Variants in ANKAR observed in about 807,000 individuals in gnomAD.
ANKAR encodes the protein ankyrin and armadillo repeat containing, also known as ankyrin and armadillo repeat-containing protein.
In ANKAR, 136 loss-of-function variants were observed where a neutral mutation model predicts 146.2. That is an observed-to-expected ratio of 0.93 (90% CI 0.81 to 1.07). The LOEUF (loss-of-function observed/expected upper bound fraction) is 1.07, where lower values mean the gene tolerates loss of function less well. Ranked by LOEUF, ANKAR falls within the 50% of genes least tolerant of loss-of-function variation. The pLI is 0.00. For missense variants in ANKAR, 1,567 were observed against 1,679.9 expected (o/e 0.93, Z 1.18); for synonymous variants, 500 against 575.8 (o/e 0.87, Z 1.88).
At chr2:189,761,443 A>T (rs775469606), downstream of ANKAR, 16 of 1,605,666 alleles carry the variant, frequency 1.0e-5, no homozygotes, top group Non-Finnish European at 1.2e-5. Context: ...CAGTTTGGGA[A>T]TGTATTGCTT....
intron 10 of ANKAR, among the ~76,000 whole-genome samples, chr2:189,715,400 A>G (rs953159427): frequency 6.6e-6 from 1 of 152,240 alleles, no homozygotes; most frequent in Non-Finnish European, 1.5e-5. Flanking sequence ...AAAAAGTTGA[A>G]TCTCTGAATA....
intron 12 of ANKAR, 93 bp from the exon 13 acceptor site, chr2:189,727,763 G>T: frequency 3.6e-6 from 5 of 1,399,140 alleles, no homozygotes; most frequent in East Asian, 2.5e-5. Flanking sequence ...TTATAAATTT[G>T]ATTTTATAAT....
At chr2:189,717,956 A>C (rs1477133462) in intron 10 of ANKAR, among the ~76,000 whole-genome samples, 1 of 152,052 alleles carries the variant, frequency 6.6e-6, no homozygotes, top group Non-Finnish European at 1.5e-5. Flanking sequence ...AGGCAGGGGG[A>C]GGGACAGCAT....
At chr2:189,700,545 T>C (rs2037912758) in intron 7 of ANKAR, among the ~76,000 whole-genome samples, 1 of 152,244 alleles carries the variant, frequency 6.6e-6, no homozygotes, top group African/African-American at 2.4e-5. Flanking sequence ...GTGTTACATA[T>C]AATCCAGTTA....
intron 7 of ANKAR, among the ~76,000 whole-genome samples, chr2:189,703,314 G>T (rs545884800): frequency 3.1e-4 from 47 of 152,298 alleles, no homozygotes; most frequent in African/African-American, 1.1e-3. Flanking sequence ...TTATGGCTTG[G>T]ATTAGGATGG....
intron 17 of ANKAR, among the ~76,000 whole-genome samples, chr2:189,737,353 A>G (rs1202235087): frequency 1.3e-5 from 2 of 152,024 alleles, no homozygotes; most frequent in Non-Finnish European, 2.9e-5. Flanking sequence ...TCTTCAGAAT[A>G]CATTATTTTT....
intron 2 of ANKAR, among the ~76,000 whole-genome samples, chr2:189,681,336 G>A (rs570302188): frequency 1.3e-5 from 2 of 152,312 alleles, no homozygotes; most frequent in South Asian, 2.1e-4. Flanking sequence ...GTAACTAAGG[G>A]AAGAGGGCTC....
chr2:189,736,681 A>T (rs879527921), intron 17 of ANKAR, among the ~76,000 whole-genome samples: 1 of 151,874 alleles, frequency 6.6e-6, no homozygotes, highest in African/African-American at 2.4e-5. Context: ...ATTTCTACTA[A>T]ATTATTTTTG....
At chr2:189,688,371 A>G (rs966654658) in intron 2 of ANKAR, among the ~76,000 whole-genome samples, 5 of 152,174 alleles carry the variant, frequency 3.3e-5, no homozygotes, top group African/African-American at 1.2e-4. Flanking sequence ...ACTCTGCAAT[A>G]TACTTTGAAG....
chr2:189,695,833 T>C (rs907259608), intron 6 of ANKAR, among the ~76,000 whole-genome samples: 5 of 152,230 alleles, frequency 3.3e-5, no homozygotes, highest in Non-Finnish European at 5.9e-5. Context: ...ATATTTCAAA[T>C]TTCTAGACTT....
chr2:189,745,059 C>T (rs2043947003), intron 22 of ANKAR, among the ~76,000 whole-genome samples: 2 of 44,900 alleles, frequency 4.5e-5, no homozygotes, highest in African/African-American at 9.3e-5. Flanking sequence ...GGCATGGTGG[C>T]GCGTGCCTGT....
chr2:189,730,247 A>C (rs531871656), intron 15 of ANKAR, among the ~76,000 whole-genome samples: 1 of 152,326 alleles, frequency 6.6e-6, no homozygotes, highest in South Asian at 2.1e-4. Flanking sequence ...TAATATTTCT[A>C]ATTTCCTTTG....
chr2:189,720,584 C>G, intron 11 of ANKAR, 35 bp from the exon 12 acceptor site: 1 of 1,284,126 alleles, frequency 7.8e-7, no homozygotes, highest in Non-Finnish European at 1.0e-6. Context: ...TTATCTTAAA[C>G]AAATTCAAAT....
rs779093435 is a variant in ANKAR, at chr2:189,705,145, G to A, written c.1831G>A (p.Ala611Thr). The A allele has an allele frequency of 6.2e-6, 10 of 1,613,982 alleles. No individual in the cohort carries two copies. Among genetic ancestry groups the A allele is most frequent in the Admixed American group, 5.0e-5 (3 of 59,982 alleles). Reference protein sequence around the residue: ...KRGWMPIHFAAFYDNVCIIIA... With the variant: ...KRGWMPIHFATFYDNVCIIIA... ...AGGCTGGATGCCGATTCACTTTGCCGCTTTCTATGACAACGTTTGCATCAT... is the reference window on the plus strand; with the variant it reads ...AGGCTGGATGCCGATTCACTTTGCCACTTTCTATGACAACGTTTGCATCAT... Residue 611 changes from alanine to threonine, a missense_variant, in exon 8 of 23, where the codon GCT becomes ACT. Transcript: ENST00000684021.
intron 18 of ANKAR, chr2:189,752,776 A>C: frequency 4.3e-6 from 7 of 1,613,256 alleles, no homozygotes; most frequent in Non-Finnish European, 5.9e-6. Context: ...CTGAAGGAAG[A>C]AGGCTTAGTA....
intron 15 of ANKAR, among the ~76,000 whole-genome samples, chr2:189,730,094 C>T (rs2042269866): frequency 6.6e-6 from 1 of 151,936 alleles, no homozygotes; most frequent in African/African-American, 2.4e-5. Flanking sequence ...ATTTAAGAAA[C>T]CAAGAAATTT....
rs140812041 is a variant in ANKAR, at chr2:189,731,695, T to C, written c.3300+1094T>C. Among the ~76,000 whole-genome samples the C allele has an allele frequency of 6.9e-4, 105 of 151,808 alleles. 2 individuals are homozygous for C. In the East Asian group the frequency reaches 0.018, roughly 27 times the overall value. ...CTGTTTCTTTTTTAATCTGTATTTA[T>C]TTATTTAATTTTTTTTAAATATTGA... On this transcript the variant is annotated intron_variant, in intron 16 of 22. Coordinates refer to ENST00000684021, the MANE Select transcript of ANKAR (RefSeq NM_001378068.1).
chr2:189,755,008 A>T (rs2045888284), intron 18 of ANKAR: 1 of 739,210 alleles, frequency 1.4e-6, no homozygotes. Context: ...GAATTATAAA[A>T]TTGTGTACTA....
intron 7 of ANKAR, among the ~76,000 whole-genome samples, chr2:189,699,475 C>A (rs2037741060): frequency 6.6e-6 from 1 of 152,194 alleles, no homozygotes; most frequent in Admixed American, 6.5e-5. Context: ...TAAGCCACTT[C>A]ACCTGTAGTG....
Sources: gnomAD v4.1 joint callset for allele counts (sites outside exome capture counted in the v4.1 genomes callset) on GRCh38, gnomAD v4.1.1 for gene constraint, MANE v1.5 for transcripts, NCBI Gene and HGNC (gene_info 2026-07-23, HGNC 2026-07-21) for gene names.